The following AKAP19 variants were observed in gnomAD, a reference collection of about 807,000 sequenced individuals.
AKAP19 encodes small A-kinase anchoring protein.
At chr2:190,108,857 G>A in the AKAP19 span, among the ~76,000 whole-genome samples, 3 of 149,340 alleles carry the variant, frequency 2.0e-5, no homozygotes, top group Non-Finnish European at 1.5e-5. Flanking sequence ...AGATATAGGA[G>A]AAAATATTTT....
chr2:190,035,701 C>G, the AKAP19 span, among the ~76,000 whole-genome samples: 5 of 150,052 alleles, frequency 3.3e-5, no homozygotes, highest in African/African-American at 1.2e-4. Context: ...TGTCTGGATT[C>G]TTCCACGTAA....
chr2:190,155,195 A>G, the AKAP19 span, among the ~76,000 whole-genome samples: 3 of 152,198 alleles, frequency 2.0e-5, no homozygotes, highest in African/African-American at 7.2e-5. Flanking sequence ...GTAAGGAGGT[A>G]TCTGGGAACC....
At chr2:190,112,470 A>G in the AKAP19 span, among the ~76,000 whole-genome samples, 1 of 152,176 alleles carries the variant, frequency 6.6e-6, no homozygotes, top group African/African-American at 2.4e-5. Flanking sequence ...CTTATTCCCA[A>G]ATGCTGAATG....
At chr2:190,163,911 A>G in the AKAP19 span, 1 of 152,164 alleles carries the variant, frequency 6.6e-6, no homozygotes, top group Non-Finnish European at 1.5e-5. Flanking sequence ...TAGGATTAAG[A>G]TTGCATCTAT....
chr2:190,187,602 A>G, the AKAP19 span, among the ~76,000 whole-genome samples: 1 of 152,108 alleles, frequency 6.6e-6, no homozygotes, highest in African/African-American at 2.4e-5. Context: ...GCTCACACCT[A>G]TCATCCCAGC....
At chr2:190,059,399 G>C in the AKAP19 span, among the ~76,000 whole-genome samples, 1 of 151,868 alleles carries the variant, frequency 6.6e-6, no homozygotes, top group Non-Finnish European at 1.5e-5. Context: ...GAATGCTAAG[G>C]CAGCTCAGAA....
the AKAP19 span, among the ~76,000 whole-genome samples, chr2:189,914,593 A>G: frequency 6.7e-3 from 1,019 of 152,184 alleles, 6 homozygotes; most frequent in Middle Eastern, 0.01. Context: ...TTTCAATTAT[A>G]ATAGCCCTTT....
chr2:190,070,586 G>C, the AKAP19 span, among the ~76,000 whole-genome samples: 1 of 149,614 alleles, frequency 6.7e-6, no homozygotes, highest in Non-Finnish European at 1.5e-5. Flanking sequence ...AGTTCAGCGA[G>C]TTCAGTGTGA....
At chr2:190,010,678 A>C in the AKAP19 span, among the ~76,000 whole-genome samples, 1 of 152,202 alleles carries the variant, frequency 6.6e-6, no homozygotes, top group Admixed American at 6.5e-5. Context: ...ATTGTCACAG[A>C]GGGGCTGCAT....
At chr2:190,027,834 A>G in the AKAP19 span, among the ~76,000 whole-genome samples, 2 of 152,192 alleles carry the variant, frequency 1.3e-5, no homozygotes, top group Non-Finnish European at 2.9e-5. Flanking sequence ...AGGTAATGAA[A>G]GAGTGTTTAG....
chr2:190,155,086 A>G, the AKAP19 span, among the ~76,000 whole-genome samples: 4 of 152,210 alleles, frequency 2.6e-5, no homozygotes, highest in African/African-American at 9.7e-5. Context: ...GGGACAGCCA[A>G]CATAGAGGGC....
chr2:190,138,751 C>T, the AKAP19 span, among the ~76,000 whole-genome samples: 1 of 152,346 alleles, frequency 6.6e-6, no homozygotes, highest in African/African-American at 2.4e-5. Flanking sequence ...TTTGTCCATA[C>T]CTCATAAGCC....
the AKAP19 span, among the ~76,000 whole-genome samples, chr2:190,076,238 G>C: frequency 6.6e-6 from 1 of 152,088 alleles, no homozygotes; most frequent in South Asian, 2.1e-4. Context: ...TCTTTATTGT[G>C]GGGGGTTATG....
chr2:190,052,310 C>T, the AKAP19 span, among the ~76,000 whole-genome samples: 1 of 152,224 alleles, frequency 6.6e-6, no homozygotes, highest in Non-Finnish European at 1.5e-5. Flanking sequence ...TGAAGCCTAG[C>T]GATTGCCTCA....
At chr2:190,143,903 C>G in the AKAP19 span, among the ~76,000 whole-genome samples, 1 of 148,456 alleles carries the variant, frequency 6.7e-6, no homozygotes, top group African/African-American at 2.5e-5. Context: ...TCATCATTCT[C>G]AGTAAACTAT....
chr2:189,894,566 T>A, the AKAP19 span, among the ~76,000 whole-genome samples: 1 of 152,052 alleles, frequency 6.6e-6, no homozygotes, highest in Non-Finnish European at 1.5e-5. Context: ...CCTCATCTGG[T>A]CTCTGTCTTC....
the AKAP19 span, among the ~76,000 whole-genome samples, chr2:189,882,126 T>C: frequency 6.6e-6 from 1 of 152,176 alleles, no homozygotes; most frequent in Non-Finnish European, 1.5e-5. Context: ...TTGGGGCTCC[T>C]GGGCCTGTCA....
chr2:189,933,382 AAATG>A, the AKAP19 span, among the ~76,000 whole-genome samples: 22,383 of 152,090 alleles, frequency 0.15, 1,739 homozygotes, highest in Middle Eastern at 0.24. Context: ...TTTGTTGAAT[AAATG>A]AATAATACCC....
the AKAP19 span, among the ~76,000 whole-genome samples, chr2:189,964,147 A>G: frequency 1.3e-5 from 2 of 152,254 alleles, no homozygotes; most frequent in Non-Finnish European, 2.9e-5. Flanking sequence ...AATGGGCATG[A>G]AAGCAACATT....
Sources: allele counts gnomAD v4.1 joint callset (sites outside exome capture counted in the v4.1 genomes callset), GRCh38; gene constraint gnomAD v4.1.1; transcripts MANE v1.5; gene names NCBI Gene and HGNC (gene_info 2026-07-23, HGNC 2026-07-21).